Variants in DIP2C observed in about 807,000 individuals in gnomAD.
DIP2C encodes DIP2 acetate--CoA ligase C (putative).
A neutral mutation model predicts 192.4 loss-of-function variants in DIP2C; 33 were observed. The observed-to-expected ratio is 0.17, with a 90% CI of 0.13 to 0.23. The LOEUF (loss-of-function observed/expected upper bound fraction) is 0.23. DIP2C is among the 10% of genes least tolerant of loss of function. DIP2C has a pLI of 1.00. For missense variants in DIP2C, 1,537 were observed against 2,110.1 expected (o/e 0.73, Z 5.32); for synonymous variants, 979 against 864.1 (o/e 1.13, Z -2.33).
At chr10:470,782 C>A (rs1023951802) in intron 3 of DIP2C, among the ~76,000 whole-genome samples, 1 of 152,146 alleles carries the variant, frequency 6.6e-6, no homozygotes, top group Admixed American at 6.5e-5. Context: ...GAGGAGCGAC[C>A]CCGTGTGATC....
In DIP2C at chr10:546,810, A is replaced by G. The variant is rs1232157524; in HGVS notation, c.86-60280T>C. Among the ~76,000 whole-genome samples, 5 of 152,114 alleles carry G rather than the reference A, an allele frequency of 3.3e-5. No individual in the cohort carries two copies. The East Asian group carries it at 7.7e-4, about 23-fold the overall frequency. On this transcript the variant is annotated intron_variant, in intron 1 of 36. Transcript: ENST00000280886. Reference sequence around the variant, plus strand: ...TATGTCAAAAAAAAAAATCACATCAATATCACCACTGATCACATGAGAAAG... The same window carrying G: ...TATGTCAAAAAAAAAAATCACATCAGTATCACCACTGATCACATGAGAAAG...
At chr10:305,993 A>ATATATATATATATATATATG (rs958069491) in intron 32 of DIP2C, among the ~76,000 whole-genome samples, 5 of 142,700 alleles carry the variant, frequency 3.5e-5, no homozygotes, top group African/African-American at 1.0e-4. Flanking sequence ...ATATATATAT[A>ATATATATATATATATATATG]TTATATTTTT....
At chr10:577,624 C>T (rs999815173) in intron 1 of DIP2C, among the ~76,000 whole-genome samples, 2 of 152,180 alleles carry the variant, frequency 1.3e-5, no homozygotes, top group African/African-American at 4.8e-5. Flanking sequence ...CAGCCTGCTG[C>T]TTATTTAAAG....
chr10:502,851 A>C (rs1845335037), intron 1 of DIP2C, among the ~76,000 whole-genome samples: 1 of 152,154 alleles, frequency 6.6e-6, no homozygotes, highest in African/African-American at 2.4e-5. Flanking sequence ...CACGAGTCCA[A>C]GGAGAAGCGG....
intron 29 of DIP2C, among the ~76,000 whole-genome samples, chr10:339,493 ATCT>A (rs1202605446): frequency 1.3e-5 from 2 of 152,152 alleles, no homozygotes; most frequent in African/African-American, 2.4e-5. Context: ...TGCAACAAAC[ATCT>A]TCTCTCTGGT....
At chr10:299,784 C>G (rs572900843) in intron 32 of DIP2C, among the ~76,000 whole-genome samples, 1 of 151,464 alleles carries the variant, frequency 6.6e-6, no homozygotes, top group Non-Finnish European at 1.5e-5. Context: ...GGGACTCTTA[C>G]AATTCAATAG....
intron 4 of DIP2C, among the ~76,000 whole-genome samples, chr10:438,134 CAA>C (rs1389972137): frequency 6.6e-6 from 1 of 152,168 alleles, no homozygotes; most frequent in Non-Finnish European, 1.5e-5. Context: ...AAATATTTCA[CAA>C]AAATAACATT....
At chr10:633,815 C>T (rs1300981373) in intron 1 of DIP2C, among the ~76,000 whole-genome samples, 2 of 152,194 alleles carry the variant, frequency 1.3e-5, no homozygotes, top group African/African-American at 4.8e-5. Flanking sequence ...GTTAGGTACG[C>T]GGTGGGGTGA....
chr10:467,051 A>G (rs988897692), intron 3 of DIP2C, among the ~76,000 whole-genome samples: 2 of 151,652 alleles, frequency 1.3e-5, no homozygotes, highest in African/African-American at 2.4e-5. Flanking sequence ...CCAAATGACT[A>G]TAAATCATGC....
At chr10:580,442 AATAC>A (rs1307725046) in intron 1 of DIP2C, among the ~76,000 whole-genome samples, 2 of 152,194 alleles carry the variant, frequency 1.3e-5, no homozygotes, top group Non-Finnish European at 1.5e-5. Context: ...TATGGCGTTA[AATAC>A]ATGCATGTAT....
chr10:585,960 G>A (rs1212773215), intron 1 of DIP2C, among the ~76,000 whole-genome samples: 1 of 152,124 alleles, frequency 6.6e-6, no homozygotes, highest in Non-Finnish European at 1.5e-5. Context: ...AAAAGGAAAA[G>A]GCAATTTGGT....
At chr10:616,548 C>T (rs1853484356) in intron 1 of DIP2C, among the ~76,000 whole-genome samples, 2 of 152,172 alleles carry the variant, frequency 1.3e-5, no homozygotes, top group East Asian at 3.9e-4. Flanking sequence ...GCCCCCAGAC[C>T]AGGAATCAAG....
intron 4 of DIP2C, among the ~76,000 whole-genome samples, 172 bp downstream of exon 4, chr10:440,699 T>C (rs1318020481): frequency 6.6e-6 from 1 of 152,232 alleles, no homozygotes; most frequent in Non-Finnish European, 1.5e-5. Flanking sequence ...CATAATAATG[T>C]TACTTTTCCT....
intron 1 of DIP2C, among the ~76,000 whole-genome samples, chr10:495,565 G>C (rs941079939): frequency 7.1e-6 from 1 of 140,014 alleles, no homozygotes; most frequent in African/African-American, 3.2e-5. Context: ...GACTCTCTCA[G>C]TGAACAAAAA....
At chr10:591,122 T>G (rs1391364271) in intron 1 of DIP2C, among the ~76,000 whole-genome samples, 1 of 150,514 alleles carries the variant, frequency 6.6e-6, no homozygotes, top group African/African-American at 2.5e-5. Context: ...TTACTGGTTT[T>G]TTTTGTTTTG....
At chr10:451,370 T>C (rs1307897044) in intron 3 of DIP2C, among the ~76,000 whole-genome samples, 1 of 152,208 alleles carries the variant, frequency 6.6e-6, no homozygotes, top group African/African-American at 2.4e-5. Context: ...CAGGGTATTA[T>C]CCTATCGCCC....
intron 17 of DIP2C, among the ~76,000 whole-genome samples, chr10:377,050 C>A (rs1463377131): frequency 1.3e-5 from 2 of 152,074 alleles, no homozygotes; most frequent in Non-Finnish European, 1.5e-5. Context: ...AGGAGCAATG[C>A]ATGCCCACTA....
chr10:505,264 G>A (rs1010914919), intron 1 of DIP2C, among the ~76,000 whole-genome samples: 1 of 152,000 alleles, frequency 6.6e-6, no homozygotes, highest in Non-Finnish European at 1.5e-5. Context: ...AGTGTCTCTA[G>A]TCCCTCTACA....
intron 1 of DIP2C, among the ~76,000 whole-genome samples, chr10:519,010 T>C (rs965975997): frequency 6.6e-6 from 1 of 152,226 alleles, no homozygotes; most frequent in Non-Finnish European, 1.5e-5. Flanking sequence ...CACAGACTCC[T>C]CCAGCTGTCC....
Sources: allele counts gnomAD v4.1 joint callset (sites outside exome capture counted in the v4.1 genomes callset), GRCh38; gene constraint gnomAD v4.1.1; transcripts MANE v1.5; gene names NCBI Gene and HGNC (gene_info 2026-07-23, HGNC 2026-07-21).